C12orf42: variants seen among roughly 807,000 people sequenced by gnomAD.
The protein encoded by C12orf42 is chromosome 12 open reading frame 42.
Under a neutral mutation model 21.6 loss-of-function variants are expected in C12orf42, and 25 were observed. The ratio of observed to expected loss-of-function variants is 1.16; its 90% CI spans 0.84 to 1.62. C12orf42 has a LOEUF of 1.62. Among genes scored for constraint, C12orf42 ranks in the 40% most tolerant of loss-of-function variants. C12orf42 has a pLI of 0.00. For synonymous variants in C12orf42, 174 were observed against 175.0 expected (o/e 0.99, Z 0.05); for missense variants, 483 against 459.3 (o/e 1.05, Z -0.47).
chr12:103,127,537 A>G, the C12orf42 span, among the ~76,000 whole-genome samples: 1 of 152,212 alleles, frequency 6.6e-6, no homozygotes, highest in Non-Finnish European at 1.5e-5. Context: ...ACATACATAC[A>G]TGAGAGAGAA....
At chr12:103,349,474 TGTG>T (rs1172815814) in intron 4 of C12orf42, among the ~76,000 whole-genome samples, 1 of 152,140 alleles carries the variant, frequency 6.6e-6, no homozygotes, top group East Asian at 1.9e-4. Flanking sequence ...AGAAAAATAA[TGTG>T]GTGAAAAATC....
In C12orf42 at chr12:103,272,562, AG is replaced by A. The variant is rs201068288; in HGVS notation, n.399-2710del. 5.1e-3 allele frequency among the ~76,000 whole-genome samples: 778 copies of A among 152,326 alleles called. 9 individuals carry two copies. Among genetic ancestry groups the A allele is most frequent in the African/African-American group, 0.018 (740 of 41,562 alleles). On this transcript the variant is annotated intron_variant and non_coding_transcript_variant, in intron 5 of 6. Transcript: ENST00000546526. ...CTAGATTTCATTTAATACGTTTTCA[AG>A]AAAGAACACCCTTATTTTCTAATGC...
At chr12:103,319,617 G>C (rs1421679813) in intron 4 of C12orf42, among the ~76,000 whole-genome samples, 1 of 152,252 alleles carries the variant, frequency 6.6e-6, no homozygotes, top group Non-Finnish European at 1.5e-5. Context: ...AATTAGGTTT[G>C]TAAGTATTGT....
the C12orf42 span, among the ~76,000 whole-genome samples, chr12:103,067,081 C>T: frequency 6.6e-6 from 1 of 152,166 alleles, no homozygotes; most frequent in Non-Finnish European, 1.5e-5. Flanking sequence ...ACTGAGCCCT[C>T]AACATGGCAC....
At chr12:103,203,976 C>T in the C12orf42 span, among the ~76,000 whole-genome samples, 1 of 152,132 alleles carries the variant, frequency 6.6e-6, no homozygotes, top group Admixed American at 6.6e-5. Flanking sequence ...GTTACTTTCC[C>T]CTATAAGCTC....
chr12:103,554,533 T>C, the C12orf42 span, among the ~76,000 whole-genome samples: 1 of 152,066 alleles, frequency 6.6e-6, no homozygotes, highest in Non-Finnish European at 1.5e-5. Flanking sequence ...TAGTTTGTTT[T>C]CACACTGCTA....
chr12:103,082,563 C>A, the C12orf42 span, among the ~76,000 whole-genome samples: 1 of 152,132 alleles, frequency 6.6e-6, no homozygotes, highest in African/African-American at 2.4e-5. Flanking sequence ...TAAAGCCATA[C>A]CTGTCATTTA....
At chr12:103,312,070 T>C (rs756574645) in intron 4 of C12orf42, among the ~76,000 whole-genome samples, 4 of 152,190 alleles carry the variant, frequency 2.6e-5, no homozygotes, top group Non-Finnish European at 5.9e-5. Context: ...GCATGTTCCT[T>C]TACATTTTGT....
chr12:103,336,031 G>A (rs2137133820), intron 4 of C12orf42, among the ~76,000 whole-genome samples: 1 of 152,180 alleles, frequency 6.6e-6, no homozygotes, highest in South Asian at 2.1e-4. Context: ...TTGGATGTTG[G>A]GAATACAATG....
the C12orf42 span, among the ~76,000 whole-genome samples, chr12:103,135,940 C>T: frequency 4.6e-5 from 7 of 152,174 alleles, no homozygotes; most frequent in Non-Finnish European, 7.4e-5. Flanking sequence ...GACAAACCCA[C>T]AGCTAACATC....
At chr12:103,057,809 T>C in the C12orf42 span, among the ~76,000 whole-genome samples, 5 of 152,290 alleles carry the variant, frequency 3.3e-5, no homozygotes, top group African/African-American at 4.8e-5. Context: ...TAATCTACAC[T>C]GTCACCAACA....
intron 4 of C12orf42, among the ~76,000 whole-genome samples, chr12:103,286,002 T>C (rs1433759937): frequency 6.6e-6 from 1 of 151,982 alleles, no homozygotes; most frequent in Non-Finnish European, 1.5e-5. Context: ...TCCCAGCACT[T>C]TGGGGGGGTG....
chr12:103,218,403 A>T, the C12orf42 span, among the ~76,000 whole-genome samples: 2 of 152,218 alleles, frequency 1.3e-5, no homozygotes, highest in African/African-American at 4.8e-5. Context: ...ACTTAATAAA[A>T]TAATTTCAAG....
the C12orf42 span, among the ~76,000 whole-genome samples, chr12:103,136,792 C>T: frequency 3.9e-5 from 6 of 152,200 alleles, no homozygotes; most frequent in Admixed American, 3.9e-4. Context: ...AGGACACCCT[C>T]TCTTCAATTA....
intron 10 of C12orf42, among the ~76,000 whole-genome samples, chr12:103,243,940 T>C (rs145051980): frequency 9.9e-5 from 15 of 152,268 alleles, no homozygotes; most frequent in African/African-American, 3.1e-4. Context: ...TAAATCCCAT[T>C]CTACAGCTAC....
intron 4 of C12orf42, among the ~76,000 whole-genome samples, chr12:103,317,142 A>T (rs1430076915): frequency 6.6e-6 from 1 of 152,224 alleles, no homozygotes; most frequent in Non-Finnish European, 1.5e-5. Flanking sequence ...TTCATGGAGC[A>T]ATTACTGATA....
At chr12:103,550,924 A>G in the C12orf42 span, among the ~76,000 whole-genome samples, 1 of 152,022 alleles carries the variant, frequency 6.6e-6, no homozygotes, top group Non-Finnish European at 1.5e-5. Flanking sequence ...GCCCTTAATT[A>G]TATTTACAAT....
the C12orf42 span, chr12:103,548,881 GGATCCAAAA>G: frequency 6.6e-6 from 1 of 152,038 alleles, no homozygotes; most frequent in African/African-American, 2.4e-5. Context: ...GGACTTCTGA[GGATCCAAAA>G]GCCCAAGAAA....
the C12orf42 span, among the ~76,000 whole-genome samples, chr12:103,198,435 A>G: frequency 1.3e-5 from 2 of 152,210 alleles, no homozygotes; most frequent in East Asian, 3.9e-4. Flanking sequence ...CCACTCCACA[A>G]GCAAGACCAC....
Sources: gnomAD v4.1 joint callset for allele counts (sites outside exome capture counted in the v4.1 genomes callset) on GRCh38, gnomAD v4.1.1 for gene constraint, MANE v1.5 for transcripts, NCBI Gene and HGNC (gene_info 2026-07-23, HGNC 2026-07-21) for gene names.